The following ABTB3 variants were observed in gnomAD, a reference collection of about 807,000 sequenced individuals.
The protein encoded by ABTB3 is ankyrin repeat- and BTB/POZ domain-containing protein 3.
the ABTB3 span, among the ~76,000 whole-genome samples, chr12:107,503,490 G>A: frequency 1.3e-5 from 2 of 152,124 alleles, no homozygotes; most frequent in African/African-American, 4.8e-5. Flanking sequence ...GATAAGGCCA[G>A]TCGAGGTGGC....
At chr12:107,326,279 A>G in the ABTB3 span, among the ~76,000 whole-genome samples, 1 of 152,208 alleles carries the variant, frequency 6.6e-6, no homozygotes, top group African/African-American at 2.4e-5. Context: ...TTATACACTT[A>G]AACTCTGATT....
At chr12:107,570,879 C>T in the ABTB3 span, among the ~76,000 whole-genome samples, 1 of 152,152 alleles carries the variant, frequency 6.6e-6, no homozygotes, top group African/African-American at 2.4e-5. Context: ...CCCAGGCTTC[C>T]TCTGGGCCTC....
the ABTB3 span, among the ~76,000 whole-genome samples, chr12:107,553,867 GA>G: frequency 1.3e-5 from 2 of 152,222 alleles, no homozygotes; most frequent in African/African-American, 4.8e-5. Flanking sequence ...TTGAACCCGG[GA>G]GGTGGAGGTA....
At chr12:107,550,526 C>T in the ABTB3 span, among the ~76,000 whole-genome samples, 7 of 148,496 alleles carry the variant, frequency 4.7e-5, no homozygotes, top group East Asian at 1.4e-3. Flanking sequence ...ACAACAACAA[C>T]AACAAAAAAC....
the ABTB3 span, among the ~76,000 whole-genome samples, chr12:107,452,441 C>T: frequency 9.2e-5 from 14 of 152,036 alleles, no homozygotes; most frequent in Non-Finnish European, 1.8e-4. Flanking sequence ...CTCCTGACTT[C>T]GTGATCCGCC....
the ABTB3 span, among the ~76,000 whole-genome samples, chr12:107,382,612 G>A: frequency 1.3e-5 from 2 of 152,136 alleles, no homozygotes; most frequent in African/African-American, 4.8e-5. Context: ...CCTTTGCAGG[G>A]ACACGGATGA....
chr12:107,531,496 C>A, the ABTB3 span, among the ~76,000 whole-genome samples: 5 of 152,242 alleles, frequency 3.3e-5, no homozygotes, highest in Middle Eastern at 3.4e-3. Flanking sequence ...GAAGGCCAGT[C>A]CTACTCTAGG....
At chr12:107,477,787 C>A in the ABTB3 span, among the ~76,000 whole-genome samples, 1 of 152,112 alleles carries the variant, frequency 6.6e-6, no homozygotes, top group Non-Finnish European at 1.5e-5. Flanking sequence ...AAGCCAGAAA[C>A]AAGATGCATC....
chr12:107,407,868 C>A, the ABTB3 span, among the ~76,000 whole-genome samples: 1 of 152,004 alleles, frequency 6.6e-6, no homozygotes, highest in South Asian at 2.1e-4. Flanking sequence ...TTCCAGATTT[C>A]TCCCATCTAT....
At chr12:107,504,829 T>C in the ABTB3 span, among the ~76,000 whole-genome samples, 1 of 152,244 alleles carries the variant, frequency 6.6e-6, no homozygotes, top group Non-Finnish European at 1.5e-5. Flanking sequence ...CATAAAATGC[T>C]TCTGACAGCT....
the ABTB3 span, among the ~76,000 whole-genome samples, chr12:107,504,388 C>A: frequency 6.6e-6 from 1 of 152,132 alleles, no homozygotes; most frequent in Admixed American, 6.5e-5. Context: ...TAAACACACA[C>A]ACACACACAC....
At chr12:107,449,880 A>C in the ABTB3 span, among the ~76,000 whole-genome samples, 1 of 152,000 alleles carries the variant, frequency 6.6e-6, no homozygotes, top group South Asian at 2.1e-4. Context: ...GGCTTCAAGC[A>C]ATCCTCCTGC....
chr12:107,584,333 C>G, the ABTB3 span, among the ~76,000 whole-genome samples: 2 of 152,220 alleles, frequency 1.3e-5, no homozygotes, highest in Non-Finnish European at 2.9e-5. Flanking sequence ...TTTATTATCC[C>G]ATTTTACAGA....
the ABTB3 span, among the ~76,000 whole-genome samples, chr12:107,493,796 G>T: frequency 3.3e-5 from 5 of 152,182 alleles, no homozygotes; most frequent in African/African-American, 4.8e-5. Flanking sequence ...GCGGAGATGA[G>T]GAGGATGCTT....
chr12:107,643,752 C>CTTTTTTTTTT, the ABTB3 span, among the ~76,000 whole-genome samples: 31 of 111,368 alleles, frequency 2.8e-4, no homozygotes, highest in East Asian at 4.4e-4. Context: ...ATTGTTATTC[C>CTTTTTTTTTT]TTTTTTTTTT....
chr12:107,392,943 A>G, the ABTB3 span, among the ~76,000 whole-genome samples: 1 of 152,190 alleles, frequency 6.6e-6, no homozygotes, highest in South Asian at 2.1e-4. Context: ...CACACGCTGA[A>G]GGCTGCAGAA....
At chr12:107,406,449 C>G in the ABTB3 span, among the ~76,000 whole-genome samples, 1 of 152,102 alleles carries the variant, frequency 6.6e-6, no homozygotes, top group Admixed American at 6.5e-5. Context: ...AAATAAAAAC[C>G]AATGATGCTC....
the ABTB3 span, among the ~76,000 whole-genome samples, chr12:107,368,291 G>A: frequency 1.3e-5 from 2 of 152,200 alleles, no homozygotes; most frequent in African/African-American, 4.8e-5. Context: ...TGTCCAGAAG[G>A]TGACAAATAG....
the ABTB3 span, among the ~76,000 whole-genome samples, chr12:107,532,262 G>A: frequency 6.6e-6 from 1 of 152,226 alleles, no homozygotes; most frequent in Non-Finnish European, 1.5e-5. Flanking sequence ...TGCCACTGCT[G>A]TCCAGTGAAC....
Sources: gnomAD v4.1 joint callset for allele counts (sites outside exome capture counted in the v4.1 genomes callset) on GRCh38, gnomAD v4.1.1 for gene constraint, MANE v1.5 for transcripts, NCBI Gene and HGNC (gene_info 2026-07-23, HGNC 2026-07-21) for gene names.